SMARCC2: variants seen among roughly 807,000 people sequenced by gnomAD.
SMARCC2 encodes SWI/SNF related BAF chromatin remodeling complex subunit C2.
SMARCC2 carries 15 observed loss-of-function variants against 151.3 expected under a neutral mutation model. That is an observed-to-expected ratio of 0.10 (90% CI 0.07 to 0.15). The LOEUF (loss-of-function observed/expected upper bound fraction) is 0.15, where lower values mean the gene tolerates loss of function less well. SMARCC2 is among the 10% of genes least tolerant of loss of function. The pLI is 1.00. For missense variants in SMARCC2, 1,031 were observed against 1,599.7 expected (o/e 0.64, Z 6.06); for synonymous variants, 590 against 609.5 (o/e 0.97, Z 0.47).
intron 1 of SMARCC2, 151 bp from the exon 2 acceptor site, chr12:56,187,457 A>AG: frequency 1.4e-6 from 1 of 727,678 alleles, no homozygotes; most frequent in Admixed American, 2.8e-5. Context: ...AAATGGCAAA[A>AG]GGGAGGCCCT....
chr12:56,171,315 C>G lies in SMARCC2; in HGVS notation c.2303G>C (p.Ser768Thr), dbSNP rs1873912616. Residue 768 changes from serine (S) to threonine (T), a missense_variant, in exon 22 of 29, where the codon AGC (serine) becomes ACC (threonine). Ser to Thr is a moderately conservative substitution (Grantham distance 58). Around this residue, in one of 12 missense-constraint regions of SMARCC2, gnomAD observed 119 missense variants for 184.2 expected, o/e 0.65. Transcript: ENST00000550164. The surrounding 1 kb of genome is among the most constrained non-coding windows in gnomAD (Gnocchi z 4.2). ...GKADPAFGLE[S>T]SGIAGTTSDE... Reference sequence around the variant, plus strand: ...AGAGGTGGTTCCTGCAATGCCACTGCTTTCCAGACCGAAGGCAGGGTCCGC... The same window carrying G: ...AGAGGTGGTTCCTGCAATGCCACTGGTTTCCAGACCGAAGGCAGGGTCCGC... 6.2e-7 allele frequency: 1 copy of G among 1,614,098 alleles called. No homozygotes were observed. Among genetic ancestry groups the G allele is most frequent in the South Asian group, 1.1e-5 (1 of 91,094 alleles).
At chr12:56,183,987 T>C in intron 6 of SMARCC2, 57 bp from the exon 7 acceptor site, 1 of 1,365,520 alleles carries the variant, frequency 7.3e-7, no homozygotes, top group Non-Finnish European at 1.0e-6. Flanking sequence ...ACAAAAAAAA[T>C]ACTGTACAAA....
chr12:56,170,314 G>T, intron 22 of SMARCC2, 106 bp from the exon 23 acceptor site: 1 of 1,020,882 alleles, frequency 9.8e-7, no homozygotes, highest in Non-Finnish European at 1.5e-6. Flanking sequence ...GTGTTGCCCA[G>T]GTTGGTCTCA....
At chr12:56,186,656 C>G (rs1275622653) in intron 2 of SMARCC2, 2 of 208,998 alleles carry the variant, frequency 9.6e-6, no homozygotes, top group Non-Finnish European at 2.0e-5. Flanking sequence ...GGCCTCAAAG[C>G]TGAAATTCTT....
chr12:56,169,963 T>G, intron 23 of SMARCC2, 52 bp from the exon 24 acceptor site: 1 of 1,567,444 alleles, frequency 6.4e-7, no homozygotes, highest in African/African-American at 1.4e-5. Flanking sequence ...GGGTGATTAG[T>G]TCTCACACAG....
chr12:56,170,314 G>C, intron 22 of SMARCC2, 106 bp from the exon 23 acceptor site: 1 of 1,020,884 alleles, frequency 9.8e-7, no homozygotes, highest in South Asian at 1.4e-5. Context: ...GTGTTGCCCA[G>C]GTTGGTCTCA....
At chr12:56,187,779 G>A (rs1289227642) in intron 1 of SMARCC2, among the ~76,000 whole-genome samples, 3 of 152,092 alleles carry the variant, frequency 2.0e-5, no homozygotes, top group African/African-American at 7.2e-5. Context: ...GTGAAGGAGG[G>A]CAAGTTGACT....
intron 1 of SMARCC2, among the ~76,000 whole-genome samples, chr12:56,187,667 G>A (rs914228589): frequency 2.0e-5 from 3 of 152,180 alleles, no homozygotes; most frequent in Middle Eastern, 3.2e-3. Flanking sequence ...TCAGGTCATG[G>A]AAGCAATACC....
At chr12:56,186,349 CTTTTTTTTTT>C (rs371880557) in intron 2 of SMARCC2, 109 bp from the exon 3 acceptor site, 4 of 537,044 alleles carry the variant, frequency 7.4e-6, no homozygotes, top group Non-Finnish European at 1.3e-5. Context: ...ATTGATCTCC[CTTTTTTTTTT>C]TTTTTTTTGA....
chr12:56,187,940 C>T (rs116989095), intron 1 of SMARCC2, among the ~76,000 whole-genome samples: 48 of 152,264 alleles, frequency 3.2e-4, no homozygotes, highest in African/African-American at 9.9e-4. Flanking sequence ...AGACAAGTAA[C>T]CCTGGCCCTA....
rs560196012 is a variant in SMARCC2 at position 56,187,902 on chromosome 12, T to C, written c.112-596A>G. Reference sequence around the variant, plus strand: ...CCTGATGGAGAAGAGCAAGACAACATCTACCCTGTCCGAGGAAACTGTATC... The same window carrying C: ...CCTGATGGAGAAGAGCAAGACAACACCTACCCTGTCCGAGGAAACTGTATC... On this transcript the variant is annotated intron_variant, in intron 1 of 28. Transcript: ENST00000550164. Among the ~76,000 whole-genome samples the C allele has an allele frequency of 2.0e-5, 3 of 152,262 alleles. No homozygotes were observed. In the East Asian group the frequency reaches 5.8e-4, roughly 29 times the overall value.
At chr12:56,177,895 C>A in intron 15 of SMARCC2, 127 bp downstream of exon 15, 1 of 678,690 alleles carries the variant, frequency 1.5e-6, no homozygotes, top group South Asian at 1.9e-5. Flanking sequence ...CCTTTGTAAG[C>A]CTAGCATAGT....
At chr12:56,182,387 C>T (rs572462938) in intron 7 of SMARCC2, among the ~76,000 whole-genome samples, 107 of 151,342 alleles carry the variant, frequency 7.1e-4, no homozygotes, top group South Asian at 3.6e-3. Context: ...TGCAGTGGCG[C>T]GATCTCGGCT....
In SMARCC2 at chr12:56,163,717, G is replaced by A. The variant is rs878964153; in HGVS notation, c.3710C>T (p.Thr1237Met). ...PPDPTAPSPG[T>M]VTPVPPPQ is the part of the protein sequence containing the mutation. ...CTGTGGAGGTGGCACAGGGGTGACC[G>A]TGCCTGGGCTCGGGGCTGTGGGGTC... is the stretch of plus-strand genomic sequence containing the variant. Residue 1237 changes from threonine (T) to methionine (M), a missense_variant, in exon 29 of 29, where the codon ACG (threonine) becomes ATG (methionine). Coordinates refer to ENST00000550164, the MANE Select transcript of SMARCC2 (RefSeq NM_001330288.2). 2.1e-5 allele frequency: 32 copies of A among 1,507,224 alleles called. No homozygotes were observed. Among genetic ancestry groups the A allele is most frequent in the East Asian group, 5.4e-5 (2 of 37,274 alleles). 93.4% of individuals were successfully genotyped at this position (1,507,224 alleles called of 1,614,324 possible).
Position 56,163,629 on chromosome 12 carries a change from G to T in SMARCC2, c.*60C>A. On this transcript the variant is annotated 3_prime_UTR_variant, in exon 29 of 29. Coordinates refer to ENST00000550164, the MANE Select transcript of SMARCC2 (RefSeq NM_001330288.2). ...GGAGGGTCCCAGTGGTGGGGGAAGG[G>T]CTGTTCCTGGAACCGTGATGTCCAC... is the stretch of plus-strand genomic sequence containing the variant. The T allele has an allele frequency of 1.1e-6, 1 of 941,610 alleles. No homozygotes were observed. The highest frequency in any genetic ancestry group is 1.5e-6 in the Non-Finnish European group (1 of 647,188). The allele number at this position is 941,610 out of a possible 1,614,324, so 58.3% of individuals were successfully genotyped here.
chr12:56,174,654 A>G lies in SMARCC2; in HGVS notation c.1493T>C (p.Met498Thr), dbSNP rs1874590393. 2.5e-6 allele frequency: 4 copies of G among 1,608,588 alleles called. No homozygotes were observed. The highest frequency in any genetic ancestry group is 3.4e-6 in the Non-Finnish European group (4 of 1,175,360). ...RNLAGDVCAI[M>T]RVHAFLEQWG... ...TCCCCTCAGCCACAAGACCCACCTC[A>G]TGATGGCACAGACATCACCCGCTAG... The change falls in exon 16 of 29, where the codon ATG (methionine) becomes ACG (threonine). Residue 498 changes from methionine (M) to threonine (T), a missense_variant. Met to Thr is a moderately conservative substitution (Grantham distance 81, BLOSUM62 -1). This residue lies in a region of SMARCC2 where 51 missense variants were observed against 135.1 expected (regional missense o/e 0.38). Coordinates refer to ENST00000550164, the MANE Select transcript of SMARCC2 (RefSeq NM_001330288.2).
chr12:56,178,961 G>C (rs533259174), intron 12 of SMARCC2, 36 bp downstream of exon 12: 41 of 1,611,620 alleles, frequency 2.5e-5, no homozygotes, highest in Middle Eastern at 3.3e-4. Flanking sequence ...CCTTCCCTTG[G>C]CTCTGACTGC....
intron 16 of SMARCC2, 131 bp downstream of exon 16, chr12:56,174,520 T>C: frequency 1.6e-6 from 1 of 644,338 alleles, no homozygotes; most frequent in Non-Finnish European, 2.8e-6. Flanking sequence ...AAACCTGTAC[T>C]TCACCTTTCT....
At position 56,172,716 on chromosome 12, in the gene SMARCC2, G is replaced by C; in HGVS notation, c.1744-12C>G. ...GAAGCAGAGGTCTGCTATTTGTGGA[G>C]GGAAAGAAACAGGTGAGTACAAGTG... is the stretch of plus-strand genomic sequence containing the variant. On this transcript the variant is annotated splice_polypyrimidine_tract_variant and intron_variant, in intron 18 of 28. Coordinates refer to ENST00000550164, the MANE Select transcript of SMARCC2 (RefSeq NM_001330288.2). The C allele has an allele frequency of 3.1e-6, 5 of 1,613,922 alleles. No individual in the cohort carries two copies. Among genetic ancestry groups the C allele is most frequent in the Non-Finnish European group, 4.2e-6 (5 of 1,180,020 alleles).
Sources: allele counts gnomAD v4.1 joint callset (sites outside exome capture counted in the v4.1 genomes callset), GRCh38; gene constraint gnomAD v4.1.1; regional missense constraint gnomAD v4.1.1; non-coding constraint Gnocchi (gnomAD v3.1); transcripts MANE v1.5; gene names NCBI Gene and HGNC (gene_info 2026-07-23, HGNC 2026-07-21).